FNDC3B: variants seen among roughly 807,000 people sequenced by gnomAD.
FNDC3B encodes the protein fibronectin type III domain-containing protein 3B.
In FNDC3B, 12 loss-of-function variants were observed where a neutral mutation model predicts 151.5. The observed-to-expected ratio is 0.08, with a 90% CI of 0.05 to 0.13. The LOEUF is 0.13. Ranked by LOEUF, FNDC3B falls within the 10% of genes least tolerant of loss-of-function variation. FNDC3B has a pLI of 1.00. For synonymous variants in FNDC3B, 528 were observed against 549.0 expected (o/e 0.96, Z 0.54); for missense variants, 1,214 against 1,505.3 (o/e 0.81, Z 3.20).
intron 24 of FNDC3B, among the ~76,000 whole-genome samples, chr3:172,378,903 C>T (rs1441136684): frequency 6.6e-6 from 1 of 152,202 alleles, no homozygotes; most frequent in African/African-American, 2.4e-5. Context: ...CTGCTCTAAT[C>T]TCCTGGGGTA....
chr3:172,089,825 C>T (rs955684342), intron 1 of FNDC3B, among the ~76,000 whole-genome samples: 3 of 152,116 alleles, frequency 2.0e-5, no homozygotes, highest in South Asian at 2.1e-4. Flanking sequence ...GGGTCTGCAC[C>T]GTGCCGGCTG....
chr3:172,341,925 A>G (rs542316260), intron 17 of FNDC3B, among the ~76,000 whole-genome samples: 1 of 152,354 alleles, frequency 6.6e-6, no homozygotes, highest in South Asian at 2.1e-4. Flanking sequence ...TGTTATCTAA[A>G]TGGTTTTAAC....
intron 1 of FNDC3B, among the ~76,000 whole-genome samples, chr3:172,096,246 G>A (rs1190279309): frequency 6.6e-6 from 1 of 152,152 alleles, no homozygotes; most frequent in African/African-American, 2.4e-5. Flanking sequence ...AAAACATCCT[G>A]TAGCTCTCAG....
intron 6 of FNDC3B, among the ~76,000 whole-genome samples, chr3:172,274,602 T>C (rs1729351914): frequency 6.6e-6 from 1 of 152,208 alleles, no homozygotes; most frequent in Admixed American, 6.5e-5. Context: ...GGTATGTGTA[T>C]TGGTATGTGA....
intron 3 of FNDC3B, among the ~76,000 whole-genome samples, chr3:172,206,817 T>C (rs1012910782): frequency 2.0e-5 from 3 of 152,198 alleles, no homozygotes; most frequent in African/African-American, 7.2e-5. Context: ...GCACATTGTA[T>C]TGACCACATG....
intron 22 of FNDC3B, among the ~76,000 whole-genome samples, chr3:172,360,005 A>G (rs138817042): frequency 1.3e-4 from 20 of 152,316 alleles, no homozygotes; most frequent in African/African-American, 4.8e-4. Context: ...TAATTTTTCT[A>G]GAGTAAATAA....
At chr3:172,238,279 C>A (rs1205617218) in intron 4 of FNDC3B, among the ~76,000 whole-genome samples, 1 of 152,104 alleles carries the variant, frequency 6.6e-6, no homozygotes, top group African/African-American at 2.4e-5. Context: ...CATCATCCTC[C>A]CAGGTAGCTG....
chr3:172,328,463 C>T (rs2108283101), intron 11 of FNDC3B, among the ~76,000 whole-genome samples: 1 of 152,272 alleles, frequency 6.6e-6, no homozygotes, highest in Non-Finnish European at 1.5e-5. Flanking sequence ...TGGAGAGGGC[C>T]TTGTATGGCA....
chr3:172,152,867 A>C (rs1722301189), intron 3 of FNDC3B, among the ~76,000 whole-genome samples: 1 of 152,116 alleles, frequency 6.6e-6, no homozygotes, highest in Non-Finnish European at 1.5e-5. Flanking sequence ...AGCTACGTGA[A>C]ATGTGGTATT....
At chr3:172,375,022 A>T (rs1735066278) in intron 23 of FNDC3B, among the ~76,000 whole-genome samples, 2 of 152,218 alleles carry the variant, frequency 1.3e-5, no homozygotes. Flanking sequence ...ATTGGTACCA[A>T]GTCTTTCTCA....
At chr3:172,393,820 G>C (rs1403301268) in intron 25 of FNDC3B, among the ~76,000 whole-genome samples, 2 of 151,862 alleles carry the variant, frequency 1.3e-5, no homozygotes, top group African/African-American at 4.8e-5. Context: ...TAAAATGTAT[G>C]GGATACGGCC....
intron 3 of FNDC3B, chr3:172,186,692 GA>G (rs1724203380): frequency 1.4e-6 from 1 of 698,472 alleles, no homozygotes; most frequent in African/African-American, 1.8e-5. Flanking sequence ...TCCCTATCTT[GA>G]TTTTTTGTCT....
chr3:172,365,659 C>G (rs368787772), intron 23 of FNDC3B, among the ~76,000 whole-genome samples: 2 of 152,142 alleles, frequency 1.3e-5, no homozygotes, highest in East Asian at 3.9e-4. Context: ...CTGAAGAGTC[C>G]CAGTCCATAT....
chr3:172,096,301 A>G (rs984512264), intron 1 of FNDC3B, among the ~76,000 whole-genome samples: 40 of 152,368 alleles, frequency 2.6e-4, no homozygotes, highest in South Asian at 1.4e-3. Flanking sequence ...TTGCATACCT[A>G]TAAACGTAGA....
intron 3 of FNDC3B, among the ~76,000 whole-genome samples, chr3:172,197,952 A>T (rs1183944901): frequency 1.3e-5 from 2 of 152,234 alleles, no homozygotes; most frequent in Non-Finnish European, 2.9e-5. Flanking sequence ...TGGTAGTTCA[A>T]AGTGATATAA....
intron 22 of FNDC3B, among the ~76,000 whole-genome samples, chr3:172,356,073 A>T (rs542245539): frequency 6.6e-6 from 1 of 152,302 alleles, no homozygotes; most frequent in East Asian, 1.9e-4. Flanking sequence ...TTGCTAAGTA[A>T]AAAAGGCTTA....
intron 23 of FNDC3B, among the ~76,000 whole-genome samples, chr3:172,364,994 T>C (rs779182685): frequency 4.3e-4 from 65 of 152,328 alleles, no homozygotes; most frequent in Non-Finnish European, 6.8e-4. Flanking sequence ...TTCCTGAGAT[T>C]TAATAGAATG....
At chr3:172,276,941 A>G (rs1729461492) in intron 6 of FNDC3B, among the ~76,000 whole-genome samples, 1 of 152,208 alleles carries the variant, frequency 6.6e-6, no homozygotes, top group Non-Finnish European at 1.5e-5. Context: ...AAAATTAAAG[A>G]TGTTATTGGA....
At chr3:172,392,269 A>G (rs188529895) in intron 25 of FNDC3B, among the ~76,000 whole-genome samples, 9 of 152,352 alleles carry the variant, frequency 5.9e-5, no homozygotes, top group East Asian at 1.9e-4. Context: ...GCTAAGACAC[A>G]TGCCACAATT....
Sources: allele counts gnomAD v4.1 joint callset (sites outside exome capture counted in the v4.1 genomes callset), GRCh38; gene constraint gnomAD v4.1.1; transcripts MANE v1.5; gene names NCBI Gene and HGNC (gene_info 2026-07-23, HGNC 2026-07-21).